Variants in ATP10B observed in about 807,000 individuals in gnomAD.
ATP10B encodes the protein ATPase phospholipid transporting 10B (putative).
Under a neutral mutation model 141.2 loss-of-function variants are expected in ATP10B, and 122 were observed. The observed-to-expected ratio is 0.86, with a 90% CI of 0.75 to 1.00. The LOEUF (loss-of-function observed/expected upper bound fraction) is 1.00. Among genes scored for constraint, ATP10B ranks in the 50% least tolerant of loss-of-function variants. The probability of loss-of-function intolerance (pLI) is 0.00; values close to 1 mark genes in which losing one functional copy is unlikely to be tolerated. For synonymous variants in ATP10B, 685 were observed against 692.0 expected (o/e 0.99, Z 0.16); for missense variants, 1,876 against 1,825.3 (o/e 1.03, Z -0.51).
At chr5:160,599,223 G>C (rs555914805) in intron 21 of ATP10B, among the ~76,000 whole-genome samples, 3 of 152,318 alleles carry the variant, frequency 2.0e-5, no homozygotes, top group African/African-American at 7.2e-5. Flanking sequence ...TGGACAGTAA[G>C]TCTTCACTTA....
intron 7 of ATP10B, among the ~76,000 whole-genome samples, chr5:160,654,051 AATATATGTTGTAT>A (rs1561707469): frequency 7.2e-4 from 89 of 123,090 alleles, no homozygotes; most frequent in African/African-American, 2.6e-3. Flanking sequence ...TACATATATA[AATATATGTTGTAT>A]ATACGTATAT....
At chr5:160,899,223 G>T in the ATP10B span, among the ~76,000 whole-genome samples, 1 of 152,128 alleles carries the variant, frequency 6.6e-6, no homozygotes, top group South Asian at 2.1e-4. Context: ...GATATTGAAA[G>T]TGGGGGGGAG....
At chr5:160,867,437 C>T in the ATP10B span, among the ~76,000 whole-genome samples, 5 of 152,130 alleles carry the variant, frequency 3.3e-5, no homozygotes, top group Non-Finnish European at 5.9e-5. Context: ...AGCTTATGGC[C>T]TAGATGTGAG....
chr5:160,788,392 G>T (rs1771324308), intron 1 of ATP10B, among the ~76,000 whole-genome samples: 1 of 152,130 alleles, frequency 6.6e-6, no homozygotes, highest in African/African-American at 2.4e-5. Context: ...CTTCCGTTGG[G>T]GTTGCTAGCT....
intron 21 of ATP10B, among the ~76,000 whole-genome samples, chr5:160,599,331 G>A (rs1756943055): frequency 6.6e-6 from 1 of 152,160 alleles, no homozygotes; most frequent in South Asian, 2.1e-4. Context: ...CATTTTCTAG[G>A]AACCTATTGA....
chr5:160,689,762 G>A (rs145598502), intron 3 of ATP10B, among the ~76,000 whole-genome samples: 7 of 152,212 alleles, frequency 4.6e-5, no homozygotes, highest in Non-Finnish European at 8.8e-5. Flanking sequence ...AATCAATATC[G>A]TGAAAATGGC....
chr5:160,629,582 T>C (rs1046000604), intron 13 of ATP10B, among the ~76,000 whole-genome samples: 2 of 152,204 alleles, frequency 1.3e-5, no homozygotes, highest in Non-Finnish European at 2.9e-5. Context: ...CATTTTCTCT[T>C]TATGACATCA....
intron 1 of ATP10B, among the ~76,000 whole-genome samples, chr5:160,795,305 T>C (rs928546304): frequency 5.3e-5 from 8 of 152,188 alleles, no homozygotes; most frequent in Admixed American, 3.9e-4. Flanking sequence ...TTATAGGAAA[T>C]TCCCACATTA....
chr5:160,789,476 A>G (rs543200294), intron 1 of ATP10B, among the ~76,000 whole-genome samples: 2 of 152,320 alleles, frequency 1.3e-5, no homozygotes, highest in South Asian at 4.1e-4. Context: ...AATAGTAAGT[A>G]GTGTATCTAA....
intron 3 of ATP10B, among the ~76,000 whole-genome samples, chr5:160,707,434 T>G (rs980596857): frequency 6.6e-6 from 1 of 152,244 alleles, no homozygotes; most frequent in Non-Finnish European, 1.5e-5. Flanking sequence ...ACAACTTTCT[T>G]GCTCCATTTG....
At chr5:160,596,241 C>T (rs1223650410) in intron 22 of ATP10B, among the ~76,000 whole-genome samples, 2 of 152,156 alleles carry the variant, frequency 1.3e-5, no homozygotes, top group Non-Finnish European at 2.9e-5. Flanking sequence ...GTTCAATATA[C>T]TCATATCAAT....
the ATP10B span, among the ~76,000 whole-genome samples, chr5:160,920,441 C>T: frequency 6.6e-6 from 1 of 152,214 alleles, no homozygotes. Flanking sequence ...ATTGCATGTT[C>T]CGTGTTCTCA....
At position 160,606,825 on chromosome 5, in the gene ATP10B, G is replaced by C. The variant is rs1031675044; in HGVS notation, c.3100C>G (p.Gln1034Glu). 2 of 1,614,016 alleles carry C rather than the reference G, an allele frequency of 1.2e-6. No homozygotes were observed. Among genetic ancestry groups the C allele is most frequent in the Non-Finnish European group, 1.7e-6 (2 of 1,180,004 alleles). ...ACCAGCTTGACTATCATACTCTTCTGGAGTGGCGTGGAGCGGCAGCACAGG... is the reference window on the plus strand; with the variant it reads ...ACCAGCTTGACTATCATACTCTTCTCGAGTGGCGTGGAGCGGCAGCACAGG... The part of the protein sequence containing the change: ...SVLCCRSTPL[Q>E]KSMIVKLVRD... Residue 1034 changes from glutamine (Q) to glutamate (E), a missense_variant, in exon 19 of 26, where the codon CAG (glutamine) becomes GAG (glutamate). Physicochemically the swap from Gln to Glu is conservative, Grantham distance 29 (BLOSUM62 2). Coordinates refer to ENST00000327245, the MANE Select transcript of ATP10B (RefSeq NM_025153.3).
At chr5:160,742,514 A>G (rs1203250614) in intron 2 of ATP10B, among the ~76,000 whole-genome samples, 2 of 152,162 alleles carry the variant, frequency 1.3e-5, no homozygotes, top group Non-Finnish European at 2.9e-5. Flanking sequence ...GACAATAGCT[A>G]TTTTTGGCTA....
At chr5:160,807,528 G>A (rs1218038838) in intron 1 of ATP10B, among the ~76,000 whole-genome samples, 1 of 152,106 alleles carries the variant, frequency 6.6e-6, no homozygotes, top group African/African-American at 2.4e-5. Context: ...TTAAGCACAT[G>A]TGTAACAGAT....
the ATP10B span, among the ~76,000 whole-genome samples, chr5:160,867,011 G>C: frequency 6.6e-6 from 1 of 152,048 alleles, no homozygotes; most frequent in East Asian, 1.9e-4. Flanking sequence ...ATGAACTTAG[G>C]TCAGTCAGAT....
chr5:160,877,668 A>T, the ATP10B span, among the ~76,000 whole-genome samples: 1,804 of 149,462 alleles, frequency 0.012, 32 homozygotes, highest in African/African-American at 0.042. Context: ...CCTTAAGCTG[A>T]TAAGTAACTT....
intron 2 of ATP10B, among the ~76,000 whole-genome samples, chr5:160,717,603 A>G (rs540538288): frequency 1.3e-5 from 2 of 152,326 alleles, no homozygotes; most frequent in South Asian, 4.1e-4. Context: ...CACTAAGCTA[A>G]GCCTTTCACC....
chr5:160,812,055 A>AGAGAGAGAGAGAGAGAGG (rs1554119662), intron 1 of ATP10B, among the ~76,000 whole-genome samples: 1 of 124,116 alleles, frequency 8.1e-6, no homozygotes. Context: ...AGAGAGAGAG[A>AGAGAGAGAGAGAGAGAGG]GAGAGGGAGA....
Sources: gnomAD v4.1 joint callset for allele counts (sites outside exome capture counted in the v4.1 genomes callset) on GRCh38, gnomAD v4.1.1 for gene constraint, MANE v1.5 for transcripts, NCBI Gene and HGNC (gene_info 2026-07-23, HGNC 2026-07-21) for gene names.